The following ARHGAP29 variants were observed in gnomAD, a reference collection of about 807,000 sequenced individuals.
ARHGAP29 encodes Rho GTPase activating protein 29.
Under a neutral mutation model 122.6 loss-of-function variants are expected in ARHGAP29, and 43 were observed. That is an observed-to-expected ratio of 0.35 (90% CI 0.27 to 0.45). ARHGAP29 has a LOEUF of 0.45. Ranked by LOEUF, ARHGAP29 falls within the 20% of genes least tolerant of loss-of-function variation. ARHGAP29 has a pLI of 1.00. For missense variants in ARHGAP29, 1,303 were observed against 1,477.2 expected (o/e 0.88, Z 1.93); for synonymous variants, 506 against 497.1 (o/e 1.02, Z -0.24).
rs762433605 is a variant in ARHGAP29, at chr1:94,173,843, CA to C, written c.*25del. On this transcript the variant is annotated 3_prime_UTR_variant, in exon 23 of 23. Transcript: ENST00000260526. ...ATACCACAAAATAACACAACAACAA[CA>C]AAAAAACCCTGAAATTTGACATCCC... 8.3e-6 allele frequency: 13 copies of C among 1,562,878 alleles called. No homozygotes were observed. The highest frequency in any genetic ancestry group is 8.7e-6 in the Non-Finnish European group (10 of 1,153,998).
intron 1 of ARHGAP29, among the ~76,000 whole-genome samples, chr1:94,260,949 C>T (rs1654536567): frequency 1.3e-5 from 2 of 152,160 alleles, no homozygotes; most frequent in Admixed American, 1.3e-4. Context: ...TTGAGTGTTT[C>T]CTGACTTCCT....
chr1:94,175,297 T>TA (rs1649021941), intron 22 of ARHGAP29, among the ~76,000 whole-genome samples: 1 of 152,208 alleles, frequency 6.6e-6, no homozygotes, highest in Non-Finnish European at 1.5e-5. Flanking sequence ...TGAATGCTTT[T>TA]AAGTTAAAAA....
chr1:94,189,914 A>G lies in ARHGAP29; in HGVS notation c.1439+12T>C, dbSNP rs755476523. 1 of 1,611,862 alleles carries G rather than the reference A, an allele frequency of 6.2e-7. No homozygotes were observed. The highest frequency in any genetic ancestry group is 1.1e-5 in the South Asian group (1 of 90,890). On this transcript the variant is annotated intron_variant, in intron 13 of 22. Coordinates refer to ENST00000260526, the MANE Select transcript of ARHGAP29 (RefSeq NM_004815.4). Reference sequence around the variant, plus strand: ...TATTTTGAAATAATTTTGTCTGTACATTAATTCTCACCCATCAACTTTTTC... The same window carrying G: ...TATTTTGAAATAATTTTGTCTGTACGTTAATTCTCACCCATCAACTTTTTC...
the ARHGAP29 span, among the ~76,000 whole-genome samples, chr1:94,307,568 A>G: frequency 4.1e-3 from 622 of 152,368 alleles, 10 homozygotes; most frequent in Admixed American, 0.032. Flanking sequence ...TAGAGCTACC[A>G]TAATTAAATA....
At chr1:94,203,238 T>C (rs751726698) in intron 8 of ARHGAP29, 28 bp from the exon 9 acceptor site, 2 of 1,514,148 alleles carry the variant, frequency 1.3e-6, no homozygotes, top group Non-Finnish European at 1.8e-6. Flanking sequence ...AAAGTAAATT[T>C]TACAATAGAA....
chr1:94,179,991 CT>C, intron 19 of ARHGAP29, 34 bp from the exon 20 acceptor site: 3 of 1,439,612 alleles, frequency 2.1e-6, no homozygotes, highest in Non-Finnish European at 2.8e-6. Context: ...GGTAAGCATT[CT>C]ATTTTTTTCT....
chr1:94,247,750 G>C (rs996293554), intron 1 of ARHGAP29: 6 of 622,376 alleles, frequency 9.6e-6, no homozygotes, highest in African/African-American at 8.0e-5. Context: ...TGCAGCTACC[G>C]CCACGGCTGC....
At chr1:94,230,183 A>C (rs936246935) in intron 2 of ARHGAP29, among the ~76,000 whole-genome samples, 1 of 151,768 alleles carries the variant, frequency 6.6e-6, no homozygotes, top group Non-Finnish European at 1.5e-5. Context: ...AATTGTTATT[A>C]CAAAGCTATG....
At chr1:94,195,572 G>A (rs1247367465) in intron 12 of ARHGAP29, 3 of 151,686 alleles carry the variant, frequency 2.0e-5, no homozygotes, top group Admixed American at 6.6e-5. Flanking sequence ...TCCAAAAGAC[G>A]GCAGCAAAAG....
the ARHGAP29 span, among the ~76,000 whole-genome samples, chr1:94,281,887 A>G: frequency 2.6e-5 from 4 of 152,148 alleles, no homozygotes; most frequent in African/African-American, 7.2e-5. Context: ...TATGATGGAC[A>G]TGCAATCACT....
chr1:94,210,192 G>T (rs1651496773), intron 3 of ARHGAP29, among the ~76,000 whole-genome samples: 1 of 152,128 alleles, frequency 6.6e-6, no homozygotes, highest in Non-Finnish European at 1.5e-5. Context: ...AGAGTAACTG[G>T]TTCCCTATAT....
At chr1:94,299,580 G>A in the ARHGAP29 span, among the ~76,000 whole-genome samples, 2 of 152,068 alleles carry the variant, frequency 1.3e-5, no homozygotes, top group African/African-American at 2.4e-5. Flanking sequence ...CAATTTTTTC[G>A]GTGGTGGGGG....
At chr1:94,194,523 C>T (rs1187943208) in intron 12 of ARHGAP29, 1 of 152,160 alleles carries the variant, frequency 6.6e-6, no homozygotes, top group African/African-American at 2.4e-5. Context: ...AAGACCAAGG[C>T]ACTATCAGAT....
At chr1:94,263,478 A>G (rs1654639939) in intron 1 of ARHGAP29, among the ~76,000 whole-genome samples, 1 of 152,136 alleles carries the variant, frequency 6.6e-6, no homozygotes, top group Non-Finnish European at 1.5e-5. Flanking sequence ...GTTAGACATC[A>G]TGCAGACCAC....
chr1:94,263,610 A>G (rs1654644742), intron 1 of ARHGAP29, among the ~76,000 whole-genome samples: 1 of 152,192 alleles, frequency 6.6e-6, no homozygotes, highest in South Asian at 2.1e-4. Flanking sequence ...TCTGCTTATA[A>G]TAATACAAGA....
intron 3 of ARHGAP29, among the ~76,000 whole-genome samples, chr1:94,217,443 A>C (rs1254691173): frequency 6.6e-6 from 1 of 151,564 alleles, no homozygotes; most frequent in Non-Finnish European, 1.5e-5. Flanking sequence ...CAGAGGCAGG[A>C]GAATTGCTTG....
In ARHGAP29 at chr1:94,172,414, T is replaced by C. The variant is rs1459211533; in HGVS notation, c.*1455A>G. The stretch of plus-strand genomic sequence containing the variant: ...AACAAGCCTTCAGAAAAAAAAGGGC[T>C]GGTTATTGCTCCCTAGACCTTTACA... On this transcript the variant is annotated 3_prime_UTR_variant, in exon 23 of 23. Coordinates refer to ENST00000260526, the MANE Select transcript of ARHGAP29 (RefSeq NM_004815.4). 1 of 152,104 alleles carries C rather than the reference T, an allele frequency of 6.6e-6. No individual in the cohort carries two copies. Among genetic ancestry groups the C allele is most frequent in the Non-Finnish European group, 1.5e-5 (1 of 68,016 alleles). The allele number at this position is 152,104 out of a possible 1,614,324, so 9.4% of individuals were successfully genotyped here. A position where few individuals can be genotyped will look rare whatever the true frequency, so the allele number is the denominator to read the frequency against.
chr1:94,258,337 G>A (rs76153220), intron 1 of ARHGAP29, among the ~76,000 whole-genome samples: 3,982 of 152,278 alleles, frequency 0.026, 181 homozygotes, highest in African/African-American at 0.091. Flanking sequence ...TTTAAGCCAG[G>A]AATTTGGATT....
chr1:94,288,055 C>A, the ARHGAP29 span, among the ~76,000 whole-genome samples: 1 of 152,124 alleles, frequency 6.6e-6, no homozygotes, highest in South Asian at 2.1e-4. Context: ...GTTTCTGGTT[C>A]TAGATCCTTG....
Sources: gnomAD v4.1 joint callset for allele counts (sites outside exome capture counted in the v4.1 genomes callset) on GRCh38, gnomAD v4.1.1 for gene constraint, MANE v1.5 for transcripts, NCBI Gene and HGNC (gene_info 2026-07-23, HGNC 2026-07-21) for gene names.